The following COQ8B variants were observed in gnomAD, a reference collection of about 807,000 sequenced individuals.
COQ8B encodes coenzyme Q8B.
In COQ8B, 44 loss-of-function variants were observed where a neutral mutation model predicts 62.0. The observed-to-expected ratio is 0.71, with a 90% CI of 0.56 to 0.91. The LOEUF (loss-of-function observed/expected upper bound fraction) is 0.91. Among genes scored for constraint, COQ8B ranks in the 40% least tolerant of loss-of-function variants. The pLI is 0.00. For synonymous variants in COQ8B, 252 were observed against 289.9 expected, an observed-to-expected ratio of 0.87 and a Z score of 1.33; for missense variants, 649 against 731.6, an observed-to-expected ratio of 0.89 and a Z score of 1.30.
chr19:40,696,142 C>T (rs981139499), intron 12 of COQ8B, 88 bp from the exon 13 acceptor site: 4 of 1,425,562 alleles, frequency 2.8e-6, no homozygotes, highest in South Asian at 2.3e-5. Context: ...TCTCCCTCCC[C>T]ATGACCCTGC....
intron 5 of COQ8B, among the ~76,000 whole-genome samples, chr19:40,706,457 A>C (rs1008783279): frequency 5.9e-5 from 9 of 152,156 alleles, no homozygotes; most frequent in African/African-American, 2.2e-4. Context: ...TGTTTTAAAA[A>C]TATCTCTGTA....
chr19:40,710,961 G>C (rs963839574), intron 4 of COQ8B, among the ~76,000 whole-genome samples: 3 of 151,974 alleles, frequency 2.0e-5, no homozygotes, highest in Non-Finnish European at 4.4e-5. Flanking sequence ...GAGAAACCCT[G>C]TCTCTACTAA....
chr19:40,715,344 G>C (rs1228050410), intron 1 of COQ8B: 1 of 985,524 alleles, frequency 1.0e-6, no homozygotes, highest in African/African-American at 1.7e-5. Context: ...CCTTGTACGC[G>C]ACAGACCCTT....
rs1171473954 is a variant in COQ8B, at chr19:40,703,763, C to T, written c.669G>A (p.Val223=). The part of the protein sequence containing the change: ...VPFAAASIGQ[V]HQGLLRDGTE... Reference sequence around the variant, plus strand: ...TCCCGTCCCTCAGCAGGCCCTGGTGCACCTGCCCAATTGAGGCAGCGGCAA... The same window carrying T: ...TCCCGTCCCTCAGCAGGCCCTGGTGTACCTGCCCAATTGAGGCAGCGGCAA... Residue 223 remains valine (V), a synonymous_variant, in exon 8 of 15, where the codon GTG becomes GTA. Coordinates refer to ENST00000324464, the MANE Select transcript of COQ8B (RefSeq NM_024876.4). 4 of 1,613,968 alleles carry T rather than the reference C, an allele frequency of 2.5e-6. No individual in the cohort carries two copies. Among genetic ancestry groups the T allele is most frequent in the Non-Finnish European group, 3.4e-6 (4 of 1,180,030 alleles).
chr19:40,714,186 G>A (rs751417828), intron 3 of COQ8B, 53 bp from the exon 4 acceptor site: 1 of 1,612,378 alleles, frequency 6.2e-7, no homozygotes, highest in Non-Finnish European at 8.5e-7. Flanking sequence ...CGTGGCCAGA[G>A]AGTGCAGCCA....
At chr19:40,714,906 G>T (rs1315708427) in intron 1 of COQ8B, 4 of 1,238,952 alleles carry the variant, frequency 3.2e-6, no homozygotes, top group Non-Finnish European at 3.0e-6. Context: ...AGTTCCTCAG[G>T]GGCTACCTCT....
intron 1 of COQ8B, chr19:40,715,648 C>T (rs979217391): frequency 5.8e-5 from 57 of 976,718 alleles, no homozygotes; most frequent in Non-Finnish European, 6.7e-5. Flanking sequence ...CCCTCCCCCC[C>T]ACTTGCACAC....
intron 7 of COQ8B, chr19:40,704,147 CCTT>C: frequency 7.4e-6 from 2 of 268,888 alleles, no homozygotes; most frequent in Non-Finnish European, 1.4e-5. Flanking sequence ...TCATAACAAT[CCTT>C]TTTTTTTTTT....
At position 40,710,107 on chromosome 19, in the gene COQ8B, G is replaced by C; in HGVS notation, c.319C>G (p.Leu107Val). ...GLAVGLGLGV[L>V]AEMAKKSMPG... ...ATGGACTTCTTAGCCATCTCGGCCA[G>C]TACTCCTAGCCCCAAGCCCACAGCC... Residue 107 changes from leucine to valine, a missense_variant, in exon 5 of 15, where the codon CTG (leucine) becomes GTG (valine). Transcript: ENST00000324464. The C allele has an allele frequency of 6.2e-7, 1 of 1,614,022 alleles. No individual in the cohort carries two copies. The highest frequency in any genetic ancestry group is 2.2e-5 in the East Asian group (1 of 44,874).
chr19:40,703,856 C>T lies in COQ8B; in HGVS notation c.577-1G>A. 1 of 1,605,572 alleles carries T rather than the reference C, an allele frequency of 6.2e-7. No individual in the cohort carries two copies. The highest frequency in any genetic ancestry group is 1.1e-5 in the South Asian group (1 of 90,482). On this transcript the variant is annotated splice_acceptor_variant, in intron 7 of 14. Coordinates refer to ENST00000324464, the MANE Select transcript of COQ8B (RefSeq NM_024876.4). LOFTEE classifies it high-confidence loss of function. ...TGCCGAGCTCCTCTTCAAGAACTCT[C>T]TGCGGGGAGTGGTCACAGCCATCAT...
At chr19:40,702,570 A>C in intron 10 of COQ8B, 30 bp downstream of exon 10, 1 of 1,609,282 alleles carries the variant, frequency 6.2e-7, no homozygotes, top group Non-Finnish European at 8.5e-7. Context: ...GGAGGGAGGG[A>C]AGGAGGGAAG....
chr19:40,705,884 C>T (rs1230628718), intron 5 of COQ8B, among the ~76,000 whole-genome samples: 12 of 148,156 alleles, frequency 8.1e-5, no homozygotes, highest in Non-Finnish European at 1.5e-4. Context: ...GAACTGTGAT[C>T]GCACCATTGC....
chr19:40,702,527 A>G, intron 10 of COQ8B, 73 bp downstream of exon 10: 1 of 1,426,658 alleles, frequency 7.0e-7, no homozygotes, highest in Non-Finnish European at 9.9e-7. Context: ...AGCTGCCAGA[A>G]GCTGAGGGGG....
At chr19:40,710,294 G>C (rs1032678784) in intron 4 of COQ8B, among the ~76,000 whole-genome samples, 158 bp from the exon 5 acceptor site, 1 of 152,186 alleles carries the variant, frequency 6.6e-6, no homozygotes, top group Non-Finnish European at 1.5e-5. Context: ...GCCCAGGCTG[G>C]AGTGTGGTGG....
At position 40,716,850 on chromosome 19, in the gene COQ8B, C is replaced by T; in HGVS notation, c.-267G>A. ...GGCGCGCCACCAGGACCCCGGTGCC[C>T]TAGATGCATACCTGGCCGCGCTTCG... is the stretch of plus-strand genomic sequence containing the variant. On this transcript the variant is annotated 5_prime_UTR_variant, in exon 1 of 15. Coordinates refer to ENST00000324464, the MANE Select transcript of COQ8B (RefSeq NM_024876.4). 4.8e-6 allele frequency: 1 copy of T among 208,494 alleles called. No individual in the cohort carries two copies. The highest frequency in any genetic ancestry group is 9.6e-6 in the Non-Finnish European group (1 of 104,596). The allele number at this position is 208,494 out of a possible 1,614,324, so 12.9% of individuals were successfully genotyped here. A position where few individuals can be genotyped will look rare whatever the true frequency, so the allele number is the denominator to read the frequency against.
At chr19:40,692,478 A>T in intron 14 of COQ8B, 105 bp from the exon 15 acceptor site, 2 of 1,004,386 alleles carry the variant, frequency 2.0e-6, no homozygotes, top group South Asian at 3.1e-5. Context: ...AGTCTCCACC[A>T]TCAACACAAG....
At chr19:40,697,874 A>AGAGAGT (rs202234463) in intron 12 of COQ8B, among the ~76,000 whole-genome samples, 2 of 97,000 alleles carry the variant, frequency 2.1e-5, no homozygotes, top group Admixed American at 1.0e-4. Context: ...AGAGAGAGAG[A>AGAGAGT]GAGTTTCTAC....
At chr19:40,699,660 C>T (rs897727110) in intron 12 of COQ8B, among the ~76,000 whole-genome samples, 1 of 152,216 alleles carries the variant, frequency 6.6e-6, no homozygotes, top group Non-Finnish European at 1.5e-5. Flanking sequence ...CCACCAGGAA[C>T]CACTGCCTAG....
At chr19:40,693,082 AG>A in intron 13 of COQ8B, 45 bp from the exon 14 acceptor site, 2 of 1,557,318 alleles carry the variant, frequency 1.3e-6, no homozygotes, top group Non-Finnish European at 1.8e-6. Context: ...CCGGGGCTCA[AG>A]GGGGCTCTGG....
Sources: gnomAD v4.1 joint callset for allele counts (sites outside exome capture counted in the v4.1 genomes callset) on GRCh38, gnomAD v4.1.1 for gene constraint, MANE v1.5 for transcripts, NCBI Gene and HGNC (gene_info 2026-07-23, HGNC 2026-07-21) for gene names.